THBS1: variants seen among roughly 807,000 people sequenced by gnomAD.
THBS1 encodes thrombospondin-1.
THBS1 carries 29 observed loss-of-function variants against 126.1 expected under a neutral mutation model. That is an observed-to-expected ratio of 0.23 (90% CI 0.17 to 0.31). THBS1 has a LOEUF of 0.31. Ranked by LOEUF, THBS1 falls within the 10% of genes least tolerant of loss-of-function variation. THBS1 has a pLI of 1.00. For missense variants in THBS1, 1,198 were observed against 1,545.2 expected (o/e 0.78, Z 3.77); for synonymous variants, 496 against 577.8 (o/e 0.86, Z 2.03).
At position 39,588,521 on chromosome 15, in the gene THBS1, T is replaced by C. The variant is rs372597983; in HGVS notation, c.1472-5T>C. The C allele has an allele frequency of 1.0e-5, 16 of 1,542,692 alleles. No individual in the cohort carries two copies. In the African/African-American group the frequency reaches 2.2e-4, roughly 21 times the overall value. ...AATTGTTGCCTGTGGTTCATCTTCT[T>C]ACAGTCAATGGAGGCTGGGGTCCTT... On this transcript the variant is annotated splice_region_variant and splice_polypyrimidine_tract_variant and intron_variant, in intron 9 of 21. Coordinates refer to ENST00000260356, the MANE Select transcript of THBS1 (RefSeq NM_003246.4).
At position 39,588,956 on chromosome 15, in the gene THBS1, C is replaced by A. The variant is rs1566840510; in HGVS notation, c.1646-3C>A. 1.2e-6 allele frequency: 2 copies of A among 1,614,184 alleles called. No individual in the cohort carries two copies. The highest frequency in any genetic ancestry group is 2.2e-5 in the South Asian group (2 of 91,082). The stretch of plus-strand genomic sequence containing the variant: ...TGTGACTGTCTCTCTCTCCTTGTCT[C>A]AGATGGATGCCTGTCCAATCCCTGC... On this transcript the variant is annotated splice_polypyrimidine_tract_variant and splice_region_variant and intron_variant, in intron 10 of 21. Transcript: ENST00000260356.
At chr15:39,591,722 ATT>A in intron 16 of THBS1, 99 bp downstream of exon 16, 2 of 1,131,896 alleles carry the variant, frequency 1.8e-6, no homozygotes, top group Non-Finnish European at 2.7e-6. Context: ...AAACACTTTC[ATT>A]ACTGTGGCTC....
chr15:39,583,658 A>T lies in THBS1; in HGVS notation c.669A>T (p.Pro223=), dbSNP rs1361537014. 1.9e-6 allele frequency: 3 copies of T among 1,611,090 alleles called. No individual in the cohort carries two copies. The South Asian group carries it at 3.3e-5, about 18-fold the overall frequency. ...QNVRFVFGTT[P]EDILRNKGCS... ...TGAGGTTTGTCTTTGGAACCACACC[A>T]GAAGACATCCTCAGGAACAAAGGCT... The change falls in exon 4 of 22, where the codon CCA becomes CCT. Residue 223 remains proline, a synonymous_variant. Transcript: ENST00000260356.
chr15:39,590,572 T>A lies in THBS1; in HGVS notation c.2202T>A (p.Ile734=), dbSNP rs992866579. The A allele has an allele frequency of 4.3e-6, 7 of 1,613,882 alleles. No homozygotes were observed. The change falls in exon 14 of 22, where the codon ATT becomes ATA. Residue 734 remains isoleucine (I), a synonymous_variant. Coordinates refer to ENST00000260356, the MANE Select transcript of THBS1 (RefSeq NM_003246.4). ...SGQEDYDKDG[I]GDACDDDDDN... is the part of the protein sequence containing the mutation. ...AGGAAGACTATGACAAGGATGGAAT[T>A]GGTGATGCCTGTGATGATGACGATG...
At position 39,595,849 on chromosome 15, in the gene THBS1, G is replaced by A. The variant is rs758757356; in HGVS notation, c.*480G>A. 9.4e-5 allele frequency: 43 copies of A among 457,432 alleles called. No individual in the cohort carries two copies. The highest frequency in any genetic ancestry group is 2.3e-4 in the Admixed American group (10 of 42,590). 28.3% of individuals were successfully genotyped at this position (457,432 alleles called of 1,614,324 possible). ...AGCACTAAGGGGAGGGCGCATACCC[G>A]AGACGATTGTATGAAGAAAATATGG... On this transcript the variant is annotated 3_prime_UTR_variant, in exon 22 of 22. Transcript: ENST00000260356.
chr15:39,594,512 G>T lies in THBS1; in HGVS notation c.3505+72G>T, dbSNP rs761397950. 1.3e-5 allele frequency: 21 copies of T among 1,566,904 alleles called. No homozygotes were observed. In the Admixed American group the frequency reaches 1.5e-4, roughly 11 times the overall value. The stretch of plus-strand genomic sequence containing the variant: ...GACTAATATCAAGGATGACGGTTAT[G>T]GGGGAGTCCAGTGTAAAGACTGTTT... On this transcript the variant is annotated intron_variant, in intron 21 of 21. Coordinates refer to ENST00000260356, the MANE Select transcript of THBS1 (RefSeq NM_003246.4). This position sits in a 1 kb window ranked among gnomAD's most constrained non-coding sequence, Gnocchi z 4.4.
Position 39,589,871 on chromosome 15 carries a change from T to C in THBS1, c.1993T>C (p.Tyr665His), listed in dbSNP as rs775601345. The stretch of plus-strand genomic sequence containing the variant: ...CTGCAACAAGAACGCCAAGTGCAAC[T>C]ACCTGGGCCACTATAGCGACCCCAT... ...HDCNKNAKCN[Y>H]LGHYSDPMYR... The change falls in exon 13 of 22, where the codon TAC (tyrosine) becomes CAC (histidine). Residue 665 changes from tyrosine to histidine, a missense_variant. This residue lies in a region of THBS1 where 663 missense variants were observed against 860.1 expected (regional missense o/e 0.77). Transcript: ENST00000260356. The surrounding 1 kb of genome is among the most constrained non-coding windows in gnomAD (Gnocchi z 4.7). 1.2e-6 allele frequency: 2 copies of C among 1,614,016 alleles called. No individual in the cohort carries two copies. Among genetic ancestry groups the C allele is most frequent in the African/African-American group, 1.3e-5 (1 of 74,922 alleles).
Position 39,588,068 on chromosome 15 carries a change from T to C in THBS1, c.1321T>C (p.Trp441Arg). Residue 441 changes from tryptophan to arginine, a missense_variant, in exon 9 of 22, where the codon TGG (tryptophan) becomes CGG (arginine). Physicochemically the swap from Trp to Arg is moderately radical, Grantham distance 101 (BLOSUM62 -3). Around this residue, in one of 4 missense-constraint regions of THBS1, gnomAD observed 663 missense variants for 860.1 expected, o/e 0.77. Transcript: ENST00000260356. ...TAAACAGGATGGTGGCTGGAGCCAC[T>C]GGTCCCCGTGGTCATCTTGTTCTGT... Reference protein sequence around the residue: ...RFKQDGGWSHWSPWSSCSVTC... With the variant: ...RFKQDGGWSHRSPWSSCSVTC... 1 of 1,614,194 alleles carries C rather than the reference T, an allele frequency of 6.2e-7. No individual in the cohort carries two copies. The highest frequency in any genetic ancestry group is 1.1e-5 in the South Asian group (1 of 91,056).
chr15:39,593,406 A>G lies in THBS1; in HGVS notation c.3005A>G (p.Glu1002Gly). The stretch of plus-strand genomic sequence containing the variant: ...TGGGCTCTTCTTCCAGGTTATGATG[A>G]GTTTAATGCTGTGGACTTCAGTGGC... ...CDPGLAVGYD[E>G]FNAVDFSGTF... is the part of the protein sequence containing the mutation. Residue 1002 changes from glutamate to glycine, a missense_variant, in exon 19 of 22, where the codon GAG becomes GGG. Around this residue, in one of 4 missense-constraint regions of THBS1, gnomAD observed 255 missense variants for 373.9 expected, o/e 0.68. Coordinates refer to ENST00000260356, the MANE Select transcript of THBS1 (RefSeq NM_003246.4). The surrounding 1 kb of genome is among the most constrained non-coding windows in gnomAD (Gnocchi z 5.9). 6.2e-7 allele frequency: 1 copy of G among 1,614,060 alleles called. No homozygotes were observed. Among genetic ancestry groups the G allele is most frequent in the East Asian group, 2.2e-5 (1 of 44,880 alleles).
intron 14 of THBS1, 117 bp downstream of exon 14, chr15:39,590,740 G>C: frequency 1.3e-6 from 1 of 761,484 alleles, no homozygotes; most frequent in South Asian, 1.7e-5. Context: ...CAATACACAG[G>C]ATAATTAGAA....
At chr15:39,590,765 T>C in intron 14 of THBS1, 142 bp downstream of exon 14, 2 of 714,648 alleles carry the variant, frequency 2.8e-6, no homozygotes, top group Non-Finnish European at 4.7e-6. Context: ...TTCATTGTGT[T>C]CCAGTAGTTT....
chr15:39,590,134 A>G, intron 13 of THBS1, 111 bp downstream of exon 13: 2 of 1,070,236 alleles, frequency 1.9e-6, no homozygotes, highest in East Asian at 5.2e-5. Flanking sequence ...GAAAGATTAA[A>G]TCTCCCAAAG....
rs879801079 is a variant in THBS1, at chr15:39,597,275, G to GTTTTTTTTTTTTTTTTTTTT, written c.*1910_*1911insTTTTTTTTTTTTTTTTTTTT. 4 of 52,594 alleles carry GTTTTTTTTTTTTTTTTTTTT rather than the reference G, an allele frequency of 7.6e-5. No individual in the cohort carries two copies. The highest frequency in any genetic ancestry group is 4.0e-5 in the Non-Finnish European group (1 of 24,780). 3.3% of individuals were successfully genotyped at this position (52,594 alleles called of 1,614,324 possible). ...GAATTGTTGGTTTTTTCTTTTTTTT[G>GTTTTTTTTTTTTTTTTTTTT]TTTTGTTTTTTTTTTTTTTTTTTTT... On this transcript the variant is annotated 3_prime_UTR_variant, in exon 22 of 22. Coordinates refer to ENST00000260356, the MANE Select transcript of THBS1 (RefSeq NM_003246.4).
rs773569868 is a variant in THBS1 at position 39,584,221 on chromosome 15, A to C, written c.903+34A>C. 4 of 1,613,986 alleles carry C rather than the reference A, an allele frequency of 2.5e-6. 1 individual carries two copies. The South Asian group carries it at 4.4e-5, about 18-fold the overall frequency. ...CCTCTGCACCCAGCCCGTTAGCATG[A>C]ACCCTGGAAGGTTTATCGCAGATGG... On this transcript the variant is annotated intron_variant, in intron 5 of 21. Transcript: ENST00000260356.
Position 39,593,722 on chromosome 15 carries a change from C to A in THBS1, c.3267+54C>A. 1 of 1,586,262 alleles carries A rather than the reference C, an allele frequency of 6.3e-7. No individual in the cohort carries two copies. Among genetic ancestry groups the A allele is most frequent in the Non-Finnish European group, 8.6e-7 (1 of 1,166,462 alleles). On this transcript the variant is annotated intron_variant, in intron 19 of 21. Transcript: ENST00000260356. This position sits in a 1 kb window ranked among gnomAD's most constrained non-coding sequence, Gnocchi z 5.9. Reference sequence around the variant, plus strand: ...AGAGCTTATGGGTGCCTGACTAGCACTGGGGATGCTGTGCTTTGACCAAGA... The same window carrying A: ...AGAGCTTATGGGTGCCTGACTAGCAATGGGGATGCTGTGCTTTGACCAAGA...
Position 39,589,354 on chromosome 15 carries a change from G to A in THBS1, c.1926G>A (p.Gln642=), listed in dbSNP as rs747678642. ...TCGAACATGCCACGGCCAACAAACAGGTACAGTCAACTAGACGAGTAAACC... is the reference window on the plus strand; with the variant it reads ...TCGAACATGCCACGGCCAACAAACAAGTACAGTCAACTAGACGAGTAAACC... ...QGVEHATANK[Q]VCKPRNPCTD... The change falls in exon 12 of 22, where the codon CAG becomes CAA. Residue 642 remains glutamine, a splice_region_variant and synonymous_variant. Transcript: ENST00000260356. The surrounding 1 kb of genome is among the most constrained non-coding windows in gnomAD (Gnocchi z 4.7). The A allele has an allele frequency of 5.1e-5, 82 of 1,613,726 alleles. No homozygotes were observed. Among genetic ancestry groups the A allele is most frequent in the South Asian group, 3.3e-4 (30 of 91,068 alleles).
intron 15 of THBS1, 46 bp from the exon 16 acceptor site, chr15:39,591,459 C>G (rs755488079): frequency 1.2e-6 from 2 of 1,611,702 alleles, no homozygotes; most frequent in Non-Finnish European, 1.7e-6. Flanking sequence ...GTGGAAACAT[C>G]CAAGGCTGGA....
rs1890137449 is a variant in THBS1 at position 39,582,762 on chromosome 15, C to T, written c.627+10C>T. The T allele has an allele frequency of 6.3e-7, 1 of 1,595,902 alleles. No homozygotes were observed. The highest frequency in any genetic ancestry group is 1.3e-5 in the African/African-American group (1 of 74,926). On this transcript the variant is annotated intron_variant, in intron 3 of 21. Transcript: ENST00000260356. ...CAATGACAATTTCCAGGTGAGGCTT[C>T]TTCTCTGAGCCCTGCTCCGTGGGAT... is the stretch of plus-strand genomic sequence containing the variant.
rs1214176218 is a variant in THBS1, at chr15:39,589,059, T to C, written c.1746T>C (p.Asn582=). 1.2e-6 allele frequency: 2 copies of C among 1,614,158 alleles called. No homozygotes were observed. Among genetic ancestry groups the C allele is most frequent in the South Asian group, 2.2e-5 (2 of 91,084 alleles). The change falls in exon 11 of 22, where the codon AAT becomes AAC. Residue 582 remains asparagine, a synonymous_variant. Coordinates refer to ENST00000260356, the MANE Select transcript of THBS1 (RefSeq NM_003246.4). This position sits in a 1 kb window ranked among gnomAD's most constrained non-coding sequence, Gnocchi z 4.7. The stretch of plus-strand genomic sequence containing the variant: ...CTTGTCCCCCTGGTTACAGTGGAAA[T>C]GGCATCCAGTGCACAGATGTTGATG... ...CGACPPGYSG[N]GIQCTDVDEC... is the part of the protein sequence containing the mutation.
Sources: gnomAD v4.1 joint callset for allele counts on GRCh38, gnomAD v4.1.1 for gene constraint, gnomAD v4.1.1 regional missense constraint, Gnocchi (gnomAD v3.1) non-coding constraint, MANE v1.5 for transcripts, NCBI Gene and HGNC (gene_info 2026-07-23, HGNC 2026-07-21) for gene names.